WFS1: variants seen among roughly 807,000 people sequenced by gnomAD.
WFS1 encodes wolframin ER transmembrane glycoprotein, also known as wolframin.
Under a neutral mutation model 68.5 loss-of-function variants are expected in WFS1, and 90 were observed. The ratio of observed to expected loss-of-function variants is 1.31; its 90% CI spans 1.11 to 1.56. The LOEUF (loss-of-function observed/expected upper bound fraction) is 1.56. Ranked by LOEUF, WFS1 falls within the 40% of genes most tolerant of loss-of-function variation. The pLI, the probability that WFS1 is intolerant of heterozygous loss-of-function variation, is 0.00. For missense variants in WFS1, 1,767 were observed against 1,232.6 expected, an observed-to-expected ratio of 1.43 and a Z score of -6.49; for synonymous variants, 860 against 540.7, an observed-to-expected ratio of 1.59 and a Z score of -8.19.
intron 1 of WFS1, among the ~76,000 whole-genome samples, chr4:6,271,594 A>T (rs578254841): frequency 6.6e-6 from 1 of 152,026 alleles, no homozygotes; most frequent in East Asian, 1.9e-4. Flanking sequence ...AAGTGGTACC[A>T]CCACAGCCAG....
At chr4:6,299,461 TGA>T (rs1198031175) in intron 7 of WFS1, among the ~76,000 whole-genome samples, 1 of 134,142 alleles carries the variant, frequency 7.5e-6, no homozygotes, top group African/African-American at 3.0e-5. Context: ...TGTGCATGTG[TGA>T]GGGTGCACGT....
Position 6,303,155 on chromosome 4 carries a change from TGTGGGGGA to T in WFS1, c.*689_*696del, listed in dbSNP as rs1731026915. The T allele has an allele frequency of 6.5e-6, 1 of 153,380 alleles. No individual in the cohort carries two copies. The highest frequency in any genetic ancestry group is 1.5e-5 in the Non-Finnish European group (1 of 68,902). The allele number at this position is 153,380 out of a possible 1,614,324, so 9.5% of individuals were successfully genotyped here. On this transcript the variant is annotated 3_prime_UTR_variant, in exon 8 of 8. Coordinates refer to ENST00000226760, the MANE Select transcript of WFS1 (RefSeq NM_006005.3). The stretch of plus-strand genomic sequence containing the variant: ...AAACAGAGAACCCTGTGGGGGCGGC[TGTGGGGGA>T]GGTCCCTGCCAGTGTTTAGAAGAGC...
At position 6,300,650 on chromosome 4, in the gene WFS1, C is replaced by A. The variant is rs1027084354; in HGVS notation, c.862-7C>A. ...AGCCTCGTTCCCACGTACCATCTTT[C>A]CCCCAGGTGGTCAAGTACCCCCTGC... On this transcript the variant is annotated splice_polypyrimidine_tract_variant and splice_region_variant and intron_variant, in intron 7 of 7. Coordinates refer to ENST00000226760, the MANE Select transcript of WFS1 (RefSeq NM_006005.3). 4.3e-6 allele frequency: 7 copies of A among 1,613,850 alleles called. No individual in the cohort carries two copies. The South Asian group carries it at 7.7e-5, about 18-fold the overall frequency.
In WFS1 at chr4:6,301,772, C is replaced by CTACA; in HGVS notation, c.1978_1981dup (p.Asn661IlefsTer52). 6.2e-7 allele frequency: 1 copy of CTACA among 1,613,672 alleles called. No homozygotes were observed. The highest frequency in any genetic ancestry group is 2.2e-5 in the East Asian group (1 of 44,880). ...TGTACCGCTCAGAGGGCATGAAGGT[C>CTACA]TACAACTCCACACTGACCTGGCAGC... On this transcript the variant is annotated frameshift_variant, in exon 8 of 8. Coordinates refer to ENST00000226760, the MANE Select transcript of WFS1 (RefSeq NM_006005.3). LOFTEE classifies it high-confidence loss of function.
intron 7 of WFS1, among the ~76,000 whole-genome samples, chr4:6,296,614 C>T (rs916181461): frequency 1.3e-5 from 2 of 152,218 alleles, no homozygotes; most frequent in African/African-American, 2.4e-5. Context: ...TTGGCAAAGA[C>T]ACTCCCGAAA....
intron 2 of WFS1, among the ~76,000 whole-genome samples, chr4:6,285,801 AAAGGCTGGTC>A (rs1188767029): frequency 6.6e-6 from 1 of 152,196 alleles, no homozygotes; most frequent in Non-Finnish European, 1.5e-5. Flanking sequence ...GTTGGACCAG[AAAGGCTGGTC>A]CTCAGTGTGG....
In WFS1 at chr4:6,299,369, G is replaced by A. The variant is rs148046226; in HGVS notation, c.862-1288G>A. Among the ~76,000 whole-genome samples, 58 of 152,256 alleles carry A rather than the reference G, an allele frequency of 3.8e-4. 1 individual carries two copies. Among genetic ancestry groups the A allele is most frequent in the Middle Eastern group, 6.8e-3 (2 of 294 alleles). On this transcript the variant is annotated intron_variant, in intron 7 of 7. Transcript: ENST00000226760. The stretch of plus-strand genomic sequence containing the variant: ...CAGGGGAGCAGGACCCACAGGTCGG[G>A]GGAAGGCAGCCTTTGGCCTTGACTA...
intron 2 of WFS1, 129 bp downstream of exon 2, chr4:6,277,816 C>A: frequency 9.0e-7 from 1 of 1,113,376 alleles, no homozygotes; most frequent in Non-Finnish European, 1.3e-6. Context: ...AGCTCCCATG[C>A]TGTGCACAGG....
At chr4:6,296,915 G>A (rs61450979) in intron 7 of WFS1, among the ~76,000 whole-genome samples, 8,343 of 152,292 alleles carry the variant, frequency 0.055, 256 homozygotes, top group Middle Eastern at 0.1. Flanking sequence ...GCCTCAACGT[G>A]CCAAACTCAA....
In WFS1 at chr4:6,300,908, G is replaced by A. The variant is rs1239399323; in HGVS notation, c.1113G>A (p.Trp371Ter). The change falls in exon 8 of 8, where the codon TGG (tryptophan) becomes TGA (stop). Residue 371 changes from tryptophan (W) to a stop codon, truncating the protein, a stop_gained. Coordinates refer to ENST00000226760, the MANE Select transcript of WFS1 (RefSeq NM_006005.3). LOFTEE classifies it high-confidence loss of function. ...AGGTGTTCCAGGACAGCAAGGCCTG[G>A]GAGAACTTCCGCACCCTCACCGACC... is the stretch of plus-strand genomic sequence containing the variant. ...TLKVFQDSKA[W>*]ENFRTLTDLL... 1 of 1,614,166 alleles carries A rather than the reference G, an allele frequency of 6.2e-7. No individual in the cohort carries two copies. The highest frequency in any genetic ancestry group is 1.7e-5 in the Admixed American group (1 of 60,026).
In WFS1 at chr4:6,301,624, T is replaced by G. The variant is rs1560420265; in HGVS notation, c.1829T>G (p.Leu610Trp). 1.9e-6 allele frequency: 3 copies of G among 1,613,998 alleles called. No homozygotes were observed. Among genetic ancestry groups the G allele is most frequent in the Non-Finnish European group, 2.5e-6 (3 of 1,180,012 alleles). ...GCGGTCTGTAGTGTGCCCCTGCTGT[T>G]GCGCTGGTGGACCAAGGCCAGCTTC... ...TVAVCSVPLL[L>W]RWWTKASFSV... The change falls in exon 8 of 8, where the codon TTG (leucine) becomes TGG (tryptophan). Residue 610 changes from leucine to tryptophan, a missense_variant. Leu to Trp is a moderately conservative substitution (Grantham distance 61). Coordinates refer to ENST00000226760, the MANE Select transcript of WFS1 (RefSeq NM_006005.3).
At chr4:6,270,705 C>G (rs920874788) in intron 1 of WFS1, among the ~76,000 whole-genome samples, 2 of 152,312 alleles carry the variant, frequency 1.3e-5, no homozygotes, top group Admixed American at 1.3e-4. Flanking sequence ...CTGGAGAATC[C>G]TACCCAGCCC....
At position 6,303,223 on chromosome 4, in the gene WFS1, G is replaced by C. The variant is rs1467533810; in HGVS notation, c.*755G>C. On this transcript the variant is annotated 3_prime_UTR_variant, in exon 8 of 8. Coordinates refer to ENST00000226760, the MANE Select transcript of WFS1 (RefSeq NM_006005.3). ...TTCAGTGCCTTGGAGCAGAAAGCCA[G>C]GGTCCTGAGTGGCTGAAATAAAAGC... 1.3e-5 allele frequency: 2 copies of C among 152,350 alleles called. No individual in the cohort carries two copies. Among genetic ancestry groups the C allele is most frequent in the Non-Finnish European group, 2.9e-5 (2 of 68,132 alleles). The allele number at this position is 152,350 out of a possible 1,614,324, so 9.4% of individuals were successfully genotyped here.
chr4:6,295,260 TTCCAGGAAGCTGCAGGTGGGGA>T, intron 7 of WFS1, 71 bp downstream of exon 7: 1 of 1,595,928 alleles, frequency 6.3e-7, no homozygotes, highest in African/African-American at 1.3e-5. Flanking sequence ...GCAGGGCACC[TTCCAGGAAGCTGCAGGTGGGGA>T]GGTTCGCGCC....
intron 2 of WFS1, among the ~76,000 whole-genome samples, chr4:6,278,592 C>T (rs932886785): frequency 3.3e-5 from 5 of 152,200 alleles, no homozygotes; most frequent in African/African-American, 4.8e-5. Context: ...AGAGACCCAG[C>T]GGGTGAGAGA....
At chr4:6,271,064 A>G (rs1385956065) in intron 1 of WFS1, among the ~76,000 whole-genome samples, 1 of 152,204 alleles carries the variant, frequency 6.6e-6, no homozygotes, top group East Asian at 1.9e-4. Flanking sequence ...CCATCACTCA[A>G]GGAGCTGTGC....
intron 2 of WFS1, among the ~76,000 whole-genome samples, chr4:6,278,754 C>T (rs1207268072): frequency 2.0e-5 from 3 of 152,216 alleles, no homozygotes; most frequent in South Asian, 2.1e-4. Flanking sequence ...GCCCTGGGCC[C>T]TGTTTGTCTT....
rs1265997912 is a variant in WFS1 at position 6,301,308 on chromosome 4, T to G, written c.1513T>G (p.Cys505Gly). The stretch of plus-strand genomic sequence containing the variant: ...GGTCGTCCTCAACGTCAGCGTCCCG[T>G]GCCTGCTCTATGTCTACCTGCTCTA... ...HLVVLNVSVP[C>G]LLYVYLLYLF... Residue 505 changes from cysteine (C) to glycine (G), a missense_variant, in exon 8 of 8, where the codon TGC (cysteine) becomes GGC (glycine). Transcript: ENST00000226760. 6.2e-7 allele frequency: 1 copy of G among 1,611,424 alleles called. No homozygotes were observed. Among genetic ancestry groups the G allele is most frequent in the Non-Finnish European group, 8.5e-7 (1 of 1,180,024 alleles).
Position 6,277,684 on chromosome 4 carries a change from A to C in WFS1, c.229A>C (p.Thr77Pro). 6.4e-7 allele frequency: 1 copy of C among 1,558,394 alleles called. No individual in the cohort carries two copies. Among genetic ancestry groups the C allele is most frequent in the East Asian group, 2.4e-5 (1 of 41,712 alleles). The change falls in exon 2 of 8, where the codon ACC becomes CCC. Residue 77 changes from threonine (T) to proline (P), a missense_variant. Coordinates refer to ENST00000226760, the MANE Select transcript of WFS1 (RefSeq NM_006005.3). ...CAGGAGCCGGGAAAGAGCAGACGGC[A>C]CCGGTAAGGGAGCAGGCTGGGAAGC... ...HTRSRERADG[T>P]GPTKGDMEIP...
Sources: gnomAD v4.1 joint callset for allele counts (sites outside exome capture counted in the v4.1 genomes callset) on GRCh38, gnomAD v4.1.1 for gene constraint, MANE v1.5 for transcripts, NCBI Gene and HGNC (gene_info 2026-07-23, HGNC 2026-07-21) for gene names.